ADAMTS17: variants seen among roughly 807,000 people sequenced by gnomAD.
ADAMTS17 encodes the protein A disintegrin and metalloproteinase with thrombospondin motifs 17.
ADAMTS17 carries 113 observed loss-of-function variants against 141.5 expected under a neutral mutation model. That is an observed-to-expected ratio of 0.80 (90% CI 0.69 to 0.93). The LOEUF is 0.93. Ranked by LOEUF, ADAMTS17 falls within the 40% of genes least tolerant of loss-of-function variation. ADAMTS17 has a pLI of 0.00. For synonymous variants in ADAMTS17, 768 were observed against 630.6 expected (o/e 1.22, Z -3.27); for missense variants, 1,659 against 1,517.9 (o/e 1.09, Z -1.54).
intron 21 of ADAMTS17, among the ~76,000 whole-genome samples, chr15:99,975,061 C>A (rs1352946884): frequency 6.6e-6 from 1 of 152,206 alleles, no homozygotes; most frequent in Non-Finnish European, 1.5e-5. Flanking sequence ...TGAAAAGACA[C>A]AACTATACTT....
intron 18 of ADAMTS17, among the ~76,000 whole-genome samples, chr15:100,007,883 C>T (rs1038204199): frequency 2.6e-5 from 4 of 152,010 alleles, no homozygotes; most frequent in African/African-American, 7.3e-5. Flanking sequence ...ATCCAGACAG[C>T]GCAGACACAG....
chr15:100,025,966 A>T (rs529996898), intron 18 of ADAMTS17, among the ~76,000 whole-genome samples: 1 of 152,210 alleles, frequency 6.6e-6, no homozygotes, highest in Non-Finnish European at 1.5e-5. Flanking sequence ...TATATAAATT[A>T]TAAGTATACA....
At chr15:100,210,839 C>T (rs558674122) in intron 7 of ADAMTS17, among the ~76,000 whole-genome samples, 1 of 152,110 alleles carries the variant, frequency 6.6e-6, no homozygotes, top group Non-Finnish European at 1.5e-5. Context: ...CGGTGGCTCA[C>T]GCCTGTAATC....
At chr15:100,116,141 A>T (rs1003327091) in intron 13 of ADAMTS17, among the ~76,000 whole-genome samples, 1 of 149,224 alleles carries the variant, frequency 6.7e-6, no homozygotes. Context: ...GTAAAAAAAA[A>T]AAAAAAAAAA....
intron 2 of ADAMTS17, chr15:100,338,936 G>C (rs757145689): frequency 1.4e-5 from 14 of 984,700 alleles, no homozygotes; most frequent in African/African-American, 1.7e-5. Context: ...GGACCACCTT[G>C]CAAACAAAGG....
chr15:100,165,291 G>C (rs1011203655), intron 8 of ADAMTS17, among the ~76,000 whole-genome samples: 7 of 152,296 alleles, frequency 4.6e-5, no homozygotes, highest in Middle Eastern at 3.4e-3. Flanking sequence ...ACACAGGACT[G>C]GGATCAATCA....
chr15:100,186,766 T>A (rs1181004259), intron 8 of ADAMTS17, among the ~76,000 whole-genome samples: 1 of 152,224 alleles, frequency 6.6e-6, no homozygotes, highest in Non-Finnish European at 1.5e-5. Flanking sequence ...AGCAAAATTT[T>A]CCATCCCCTA....
chr15:100,323,004 A>G (rs113810321), intron 3 of ADAMTS17, among the ~76,000 whole-genome samples: 1,873 of 147,854 alleles, frequency 0.013, 33 homozygotes, highest in African/African-American at 0.043. Flanking sequence ...GGAGAATGGC[A>G]TGGACCCGGG....
At chr15:100,158,599 C>T (rs1485394201) in intron 8 of ADAMTS17, among the ~76,000 whole-genome samples, 4 of 146,804 alleles carry the variant, frequency 2.7e-5, no homozygotes, top group African/African-American at 1.0e-4. Flanking sequence ...CTTCCTCCTC[C>T]CTCCAGCCCC....
In ADAMTS17 at chr15:99,989,632, T is replaced by C. The variant is rs542650250; in HGVS notation, c.2949+3416A>G. On this transcript the variant is annotated intron_variant, in intron 20 of 21. Transcript: ENST00000268070. ...TACTTATGGATCAGAACCTGGTCTG[T>C]TGGTAGCTCACCTACAGTCTTTGGG... Among the ~76,000 whole-genome samples the C allele has an allele frequency of 5.9e-5, 9 of 152,328 alleles. No individual in the cohort carries two copies. In the East Asian group the frequency reaches 1.5e-3, roughly 26 times the overall value.
intron 8 of ADAMTS17, among the ~76,000 whole-genome samples, chr15:100,197,753 A>T (rs1435154775): frequency 6.6e-6 from 1 of 152,180 alleles, no homozygotes; most frequent in African/African-American, 2.4e-5. Flanking sequence ...TACAATAGGT[A>T]CGGAAAGGCC....
chr15:100,189,013 C>T (rs1809834333), intron 8 of ADAMTS17, among the ~76,000 whole-genome samples: 1 of 152,234 alleles, frequency 6.6e-6, no homozygotes, highest in African/African-American at 2.4e-5. Flanking sequence ...AAAGGTCCAC[C>T]CCTTGGATGT....
At chr15:100,266,012 C>G (rs752090465) in intron 4 of ADAMTS17, among the ~76,000 whole-genome samples, 1 of 152,178 alleles carries the variant, frequency 6.6e-6, no homozygotes, top group African/African-American at 2.4e-5. Context: ...TTGCTGGTCA[C>G]CAGAGAGAGG....
At chr15:100,081,787 T>C (rs35250560) in intron 15 of ADAMTS17, among the ~76,000 whole-genome samples, 27,659 of 152,176 alleles carry the variant, frequency 0.18, 3,055 homozygotes, top group East Asian at 0.54. Context: ...GATGTTGTCA[T>C]AAGTTGAATT....
chr15:100,158,585 C>T (rs1260572495), intron 8 of ADAMTS17, among the ~76,000 whole-genome samples: 2 of 149,408 alleles, frequency 1.3e-5, no homozygotes, highest in Non-Finnish European at 3.0e-5. Context: ...ACGAGCAGCT[C>T]CCCCTTCCTC....
chr15:100,011,736 G>A (rs2061187507), intron 18 of ADAMTS17, among the ~76,000 whole-genome samples: 1 of 152,320 alleles, frequency 6.6e-6, no homozygotes, highest in East Asian at 1.9e-4. Context: ...ATTCGTTCTT[G>A]TTTATGGCCA....
intron 4 of ADAMTS17, among the ~76,000 whole-genome samples, chr15:100,266,852 C>T (rs1031725782): frequency 9.9e-5 from 15 of 152,116 alleles, no homozygotes; most frequent in Admixed American, 2.6e-4. Flanking sequence ...TGCTGTCTGT[C>T]GTTCCTACTG....
At chr15:100,024,232 A>G (rs1198575872) in intron 18 of ADAMTS17, among the ~76,000 whole-genome samples, 1 of 152,176 alleles carries the variant, frequency 6.6e-6, no homozygotes, top group African/African-American at 2.4e-5. Context: ...AGCTGGGACT[A>G]CAAGCACATG....
At chr15:99,980,328 TAAAAACTA>T (rs952828895) in intron 20 of ADAMTS17, 1 of 152,210 alleles carries the variant, frequency 6.6e-6, no homozygotes, top group East Asian at 1.9e-4. Context: ...TTCAAAAAAG[TAAAAACTA>T]AAAACAGAGA....
Sources: allele counts gnomAD v4.1 joint callset (sites outside exome capture counted in the v4.1 genomes callset), GRCh38; gene constraint gnomAD v4.1.1; transcripts MANE v1.5; gene names NCBI Gene and HGNC (gene_info 2026-07-23, HGNC 2026-07-21).